The following DCAF10 variants were observed in gnomAD, a reference collection of about 807,000 sequenced individuals.
DCAF10 encodes DDB1 and CUL4 associated factor 10, also known as DDB1- and CUL4-associated factor 10.
In DCAF10, 19 loss-of-function variants were observed where a neutral mutation model predicts 51.9. The observed-to-expected ratio is 0.37, with a 90% CI of 0.26 to 0.54. DCAF10 has a LOEUF of 0.54. DCAF10 is among the 20% of genes least tolerant of loss of function. DCAF10 has a pLI of 0.87. For missense variants in DCAF10, 510 were observed against 730.6 expected, an observed-to-expected ratio of 0.70 and a Z score of 3.48; for synonymous variants, 291 against 297.1, an observed-to-expected ratio of 0.98 and a Z score of 0.21.
At chr9:37,827,262 A>G (rs997405305) in intron 2 of DCAF10, among the ~76,000 whole-genome samples, 15 of 152,176 alleles carry the variant, frequency 9.9e-5, no homozygotes, top group African/African-American at 2.9e-4. Flanking sequence ...CTTAGACAAC[A>G]AAGTGACCTG....
intron 1 of DCAF10, among the ~76,000 whole-genome samples, chr9:37,806,372 C>T (rs1186170544): frequency 2.0e-5 from 3 of 152,164 alleles, no homozygotes; most frequent in African/African-American, 4.8e-5. Context: ...GCAAACATCT[C>T]ACTGGAGAAC....
chr9:37,827,943 C>A (rs1480814571), intron 2 of DCAF10, among the ~76,000 whole-genome samples: 1 of 152,098 alleles, frequency 6.6e-6, no homozygotes, highest in Non-Finnish European at 1.5e-5. Flanking sequence ...GAGTCCCACT[C>A]TGTTGCCCAG....
chr9:37,849,960 G>A lies in DCAF10; in HGVS notation c.852-4820G>A, dbSNP rs116571667. ...TGTAGTCCCAGGTACTCAAGAGGGCGAGACAGGAGGACCCCTTGAGCCCAG... is the reference window on the plus strand; with the variant it reads ...TGTAGTCCCAGGTACTCAAGAGGGCAAGACAGGAGGACCCCTTGAGCCCAG... On this transcript the variant is annotated intron_variant, in intron 3 of 6. Coordinates refer to ENST00000377724, the MANE Select transcript of DCAF10 (RefSeq NM_024345.5). 6.9e-3 allele frequency among the ~76,000 whole-genome samples: 1,052 copies of A among 152,158 alleles called. 15 individuals are homozygous for A. Among genetic ancestry groups the A allele is most frequent in the African/African-American group, 0.024 (1,005 of 41,514 alleles).
intron 2 of DCAF10, among the ~76,000 whole-genome samples, chr9:37,828,008 C>T (rs1037486744): frequency 1.3e-5 from 2 of 151,990 alleles, no homozygotes; most frequent in Non-Finnish European, 2.9e-5. Context: ...TTCAGCCTCC[C>T]GAGTAGCTGG....
chr9:37,817,537 G>A (rs1324262893), intron 1 of DCAF10, among the ~76,000 whole-genome samples: 1 of 152,022 alleles, frequency 6.6e-6, no homozygotes, highest in Non-Finnish European at 1.5e-5. Flanking sequence ...GGTGGAGGTT[G>A]CAGTGAACTG....
chr9:37,808,498 T>C (rs1335110601), intron 1 of DCAF10, among the ~76,000 whole-genome samples: 1 of 125,400 alleles, frequency 8.0e-6, no homozygotes, highest in African/African-American at 3.1e-5. Context: ...TATATAAATA[T>C]ATAAAACATA....
At chr9:37,817,415 C>T (rs1043884101) in intron 1 of DCAF10, among the ~76,000 whole-genome samples, 7 of 151,588 alleles carry the variant, frequency 4.6e-5, no homozygotes, top group East Asian at 1.9e-4. Flanking sequence ...CAGGGCAACA[C>T]GGTGAAACCC....
chr9:37,867,335 G>C lies in DCAF10; in HGVS notation c.*5827G>C, dbSNP rs949378283. 1 of 151,988 alleles carries C rather than the reference G, an allele frequency of 6.6e-6. No individual in the cohort carries two copies. Among genetic ancestry groups the C allele is most frequent in the African/African-American group, 2.4e-5 (1 of 41,386 alleles). 9.4% of individuals were successfully genotyped at this position (151,988 alleles called of 1,614,324 possible). ...AGTCTTTAAAATAGGTAGATTTTCA[G>C]CTTTCTTAAGTTTCTCCCTCATTTA... On this transcript the variant is annotated 3_prime_UTR_variant, in exon 7 of 7. Coordinates refer to ENST00000377724, the MANE Select transcript of DCAF10 (RefSeq NM_024345.5).
Position 37,866,720 on chromosome 9 carries a change from C to G in DCAF10, c.*5212C>G, listed in dbSNP as rs924322069. ...GTAACCTTCTAGATAATAGAAACTCCCAGTTAAAGCCTAGGCTAGCAATTT... is the reference window on the plus strand; with the variant it reads ...GTAACCTTCTAGATAATAGAAACTCGCAGTTAAAGCCTAGGCTAGCAATTT... On this transcript the variant is annotated 3_prime_UTR_variant, in exon 7 of 7. Coordinates refer to ENST00000377724, the MANE Select transcript of DCAF10 (RefSeq NM_024345.5). The G allele has an allele frequency of 6.6e-6, 1 of 152,554 alleles. No individual in the cohort carries two copies. The highest frequency in any genetic ancestry group is 2.4e-5 in the African/African-American group (1 of 41,408). 9.5% of individuals were successfully genotyped at this position (152,554 alleles called of 1,614,324 possible).
rs1830198944 is a variant in DCAF10, at chr9:37,837,424, A to C, written c.654-4665A>C. Among the ~76,000 whole-genome samples the C allele has an allele frequency of 2.0e-5, 3 of 149,016 alleles. No individual in the cohort carries two copies. The Admixed American group carries it at 2.1e-4, about 10-fold the overall frequency. ...CAGTAAGATGAGATCGCGCCACTGC[A>C]CTCCAGCCTGGCAACAGAGCGAGAC... On this transcript the variant is annotated intron_variant, in intron 2 of 6. Coordinates refer to ENST00000377724, the MANE Select transcript of DCAF10 (RefSeq NM_024345.5).
intron 2 of DCAF10, 42 bp downstream of exon 2, chr9:37,819,443 CA>C: frequency 6.8e-7 from 1 of 1,464,088 alleles, no homozygotes; most frequent in Non-Finnish European, 9.5e-7. Flanking sequence ...CAGTGTGGCC[CA>C]AAATGTTCTG....
intron 3 of DCAF10, among the ~76,000 whole-genome samples, chr9:37,848,987 A>C (rs941796150): frequency 2.6e-5 from 4 of 152,092 alleles, no homozygotes; most frequent in Admixed American, 6.6e-5. Context: ...AAAAAAAAAA[A>C]AAAACTTAAT....
intron 1 of DCAF10, among the ~76,000 whole-genome samples, chr9:37,805,247 C>A (rs774835335): frequency 6.6e-6 from 1 of 151,944 alleles, no homozygotes; most frequent in Admixed American, 6.6e-5. Context: ...TTTGGGAGGC[C>A]GAGGCGGGCG....
At chr9:37,813,629 A>C (rs1247340560) in intron 1 of DCAF10, among the ~76,000 whole-genome samples, 1 of 152,262 alleles carries the variant, frequency 6.6e-6, no homozygotes. Context: ...TACCACTGCT[A>C]GCATTAGCTA....
chr9:37,841,745 C>A (rs1167051507), intron 2 of DCAF10, among the ~76,000 whole-genome samples: 1 of 152,136 alleles, frequency 6.6e-6, no homozygotes, highest in Non-Finnish European at 1.5e-5. Flanking sequence ...CTATTAAATT[C>A]TCTCTCATCA....
chr9:37,800,638 G>C, upstream of DCAF10: 1 of 1,536,102 alleles, frequency 6.5e-7, no homozygotes, highest in Non-Finnish European at 8.7e-7. Flanking sequence ...ATGCTCAGTC[G>C]CTCACACAGG....
At chr9:37,806,580 T>C (rs872777) in intron 1 of DCAF10, among the ~76,000 whole-genome samples, 19,481 of 152,190 alleles carry the variant, frequency 0.13, 1,404 homozygotes, top group Non-Finnish European at 0.16. Flanking sequence ...ATGAGAGTAA[T>C]AGTACTGTAC....
At chr9:37,803,410 T>C (rs1250694195) in intron 1 of DCAF10, among the ~76,000 whole-genome samples, 1 of 151,504 alleles carries the variant, frequency 6.6e-6, no homozygotes, top group Non-Finnish European at 1.5e-5. Context: ...TTTGAACAAA[T>C]ATTTTATATT....
chr9:37,808,597 A>AATATAATATAAAAATATAATATATTT (rs1829206531), intron 1 of DCAF10, among the ~76,000 whole-genome samples: 1 of 103,838 alleles, frequency 9.6e-6, no homozygotes, highest in African/African-American at 4.0e-5. Flanking sequence ...ATATTTATAT[A>AATATAATATAAAAATATAATATATTT]ATATAATATA....
Sources: allele counts gnomAD v4.1 joint callset (sites outside exome capture counted in the v4.1 genomes callset), GRCh38; gene constraint gnomAD v4.1.1; transcripts MANE v1.5; gene names NCBI Gene and HGNC (gene_info 2026-07-23, HGNC 2026-07-21).